The following PDE4D variants were observed in gnomAD, a reference collection of about 807,000 sequenced individuals.
PDE4D encodes the protein 3',5'-cyclic-AMP phosphodiesterase 4D.
Under a neutral mutation model 87.4 loss-of-function variants are expected in PDE4D, and 24 were observed. That is an observed-to-expected ratio of 0.27 (90% CI 0.20 to 0.39). The LOEUF (loss-of-function observed/expected upper bound fraction) is 0.39, where lower values mean the gene tolerates loss of function less well. PDE4D is among the 10% of genes least tolerant of loss of function. The pLI is 1.00. For missense variants in PDE4D, 714 were observed against 1,041.0 expected (o/e 0.69, Z 4.32); for synonymous variants, 384 against 383.2 (o/e 1.00, Z -0.02).
intron 6 of PDE4D, chr5:58,999,923 A>C: frequency 1.0e-6 from 1 of 985,962 alleles, no homozygotes; most frequent in Non-Finnish European, 1.2e-6. Flanking sequence ...AAGCTACCAA[A>C]TAAGGAACTG....
intron 1 of PDE4D, among the ~76,000 whole-genome samples, chr5:59,344,097 A>G (rs1779223790): frequency 6.6e-6 from 1 of 152,204 alleles, no homozygotes; most frequent in Admixed American, 6.5e-5. Flanking sequence ...AATATTTAAA[A>G]GTACATTATG....
chr5:59,960,521 C>G (rs979395657), intron 3 of PDE4D, among the ~76,000 whole-genome samples: 7 of 152,114 alleles, frequency 4.6e-5, no homozygotes, highest in Non-Finnish European at 8.8e-5. Flanking sequence ...TACTACACAG[C>G]CACAAGAAAA....
In PDE4D at chr5:59,225,851, A is replaced by G. The variant is rs539680483; in HGVS notation, c.456-9883T>C. On this transcript the variant is annotated intron_variant, in intron 1 of 14. Transcript: ENST00000340635. ...CTCAAAATTAAAAAAACCCAATGAA[A>G]GAAATGGACGTTTCTCCAAAGAAGA... 6.6e-5 allele frequency among the ~76,000 whole-genome samples: 10 copies of G among 152,198 alleles called. No homozygotes were observed. The South Asian group carries it at 1.9e-3, about 28-fold the overall frequency.
rs189974723 is a variant in PDE4D, at chr5:59,910,469, T to C, written c.272+78019A>G. On this transcript the variant is annotated intron_variant, in intron 3 of 16. Coordinates refer to the PDE4D transcript ENST00000502484. ...CTCATGTTCACATACCAAAGAGCTA[T>C]AACTACATCCATGACTACAAAATTG... Among the ~76,000 whole-genome samples the C allele has an allele frequency of 1.8e-4, 27 of 152,330 alleles. No individual in the cohort carries two copies. The East Asian group carries it at 4.6e-3, about 26-fold the overall frequency.
chr5:59,513,311 T>A (rs765117923), intron 1 of PDE4D, among the ~76,000 whole-genome samples: 9 of 152,198 alleles, frequency 5.9e-5, no homozygotes, highest in Non-Finnish European at 1.2e-4. Flanking sequence ...TGTATCATAT[T>A]GAGATATAAA....
intron 1 of PDE4D, among the ~76,000 whole-genome samples, chr5:59,763,231 G>A (rs1377134255): frequency 2.0e-5 from 3 of 151,666 alleles, no homozygotes; most frequent in Non-Finnish European, 4.4e-5. Context: ...GCTAAATGAC[G>A]AGTTAATGGG....
intron 1 of PDE4D, among the ~76,000 whole-genome samples, chr5:59,755,832 T>C (rs576332456): frequency 4.0e-5 from 6 of 150,640 alleles, no homozygotes; most frequent in Non-Finnish European, 8.9e-5. Context: ...TCACCATTTA[T>C]AAATGTGAAA....
intron 2 of PDE4D, among the ~76,000 whole-genome samples, chr5:60,118,966 C>T (rs775409972): frequency 2.0e-5 from 3 of 152,090 alleles, no homozygotes; most frequent in Non-Finnish European, 4.4e-5. Context: ...AGTGAGTGCA[C>T]TCAAGGTCTG....
intron 1 of PDE4D, among the ~76,000 whole-genome samples, chr5:60,199,471 CATAA>C (rs1321421246): frequency 6.6e-6 from 1 of 151,608 alleles, no homozygotes; most frequent in African/African-American, 2.4e-5. Context: ...AGCAAAATCT[CATAA>C]ATATTATTGT....
rs181044305 is a variant in PDE4D, at chr5:59,759,675, A to C, written c.455+133493T>G. On this transcript the variant is annotated intron_variant, in intron 1 of 14. Transcript: ENST00000340635. Reference sequence around the variant, plus strand: ...AGCGCCTCCACCTCCCATGATTTCCACAGAGGGCAACAGCCAGTTATGCCA... The same window carrying C: ...AGCGCCTCCACCTCCCATGATTTCCCCAGAGGGCAACAGCCAGTTATGCCA... 1.5e-4 allele frequency among the ~76,000 whole-genome samples: 23 copies of C among 152,218 alleles called. 1 individual carries two copies. The East Asian group carries it at 4.4e-3, about 29-fold the overall frequency.
At chr5:59,767,513 T>A (rs1762951844) in intron 1 of PDE4D, among the ~76,000 whole-genome samples, 1 of 151,476 alleles carries the variant, frequency 6.6e-6, no homozygotes, top group Non-Finnish European at 1.5e-5. Flanking sequence ...AGATGAGGAA[T>A]CCTCCAGAAA....
At chr5:60,280,910 T>G (rs1002435105) in intron 1 of PDE4D, among the ~76,000 whole-genome samples, 1 of 152,162 alleles carries the variant, frequency 6.6e-6, no homozygotes, top group Non-Finnish European at 1.5e-5. Flanking sequence ...GCCACAAATC[T>G]CTAAGGCTTT....
chr5:59,034,274 AT>A (rs1017869005), intron 6 of PDE4D, among the ~76,000 whole-genome samples: 5 of 152,178 alleles, frequency 3.3e-5, no homozygotes, highest in African/African-American at 9.7e-5. Context: ...TTCTTTTGAA[AT>A]TTAAAGTTTG....
intron 1 of PDE4D, among the ~76,000 whole-genome samples, chr5:59,403,200 T>G (rs1172923109): frequency 6.9e-6 from 1 of 144,210 alleles, no homozygotes; most frequent in African/African-American, 2.6e-5. Context: ...TTGATTGATT[T>G]ATGGGGCCCA....
At chr5:59,045,191 G>A (rs1443371586) in intron 5 of PDE4D, among the ~76,000 whole-genome samples, 1 of 152,160 alleles carries the variant, frequency 6.6e-6, no homozygotes, top group Admixed American at 6.5e-5. Flanking sequence ...CCTCAAGAAT[G>A]AAATAAAAGA....
At chr5:59,339,862 T>C (rs1778402585) in intron 1 of PDE4D, among the ~76,000 whole-genome samples, 1 of 152,050 alleles carries the variant, frequency 6.6e-6, no homozygotes, top group Admixed American at 6.6e-5. Flanking sequence ...TCTTCACAAA[T>C]CCCCTAATTC....
At chr5:59,121,340 T>C (rs1187645159) in intron 5 of PDE4D, among the ~76,000 whole-genome samples, 1 of 152,070 alleles carries the variant, frequency 6.6e-6, no homozygotes, top group Non-Finnish European at 1.5e-5. Flanking sequence ...TATTAGGAAC[T>C]CAAACGTCTC....
At chr5:59,472,346 GAA>G (rs1424356460) in intron 1 of PDE4D, among the ~76,000 whole-genome samples, 1 of 152,176 alleles carries the variant, frequency 6.6e-6, no homozygotes, top group Non-Finnish European at 1.5e-5. Flanking sequence ...GCACAGGAAA[GAA>G]GAGAGAGTGG....
At chr5:59,959,686 C>G (rs576696265) in intron 3 of PDE4D, among the ~76,000 whole-genome samples, 2 of 151,600 alleles carry the variant, frequency 1.3e-5, no homozygotes, top group South Asian at 2.1e-4. Flanking sequence ...GGACCCCTAC[C>G]TCTTAACTCA....
Sources: gnomAD v4.1 joint callset for allele counts (sites outside exome capture counted in the v4.1 genomes callset) on GRCh38, gnomAD v4.1.1 for gene constraint, MANE v1.5 for transcripts, NCBI Gene and HGNC (gene_info 2026-07-23, HGNC 2026-07-21) for gene names.